Variants in TRPC4 observed in about 807,000 individuals in gnomAD.
The protein encoded by TRPC4 is short transient receptor potential channel 4.
In TRPC4, 49 loss-of-function variants were observed where a neutral mutation model predicts 99.4. That is an observed-to-expected ratio of 0.49 (90% CI 0.39 to 0.63). TRPC4 has a LOEUF of 0.63. Among genes scored for constraint, TRPC4 ranks in the 20% least tolerant of loss-of-function variants. The probability of loss-of-function intolerance (pLI) is 0.00; values close to 1 mark genes in which losing one functional copy is unlikely to be tolerated. For synonymous variants in TRPC4, 454 were observed against 425.9 expected, an observed-to-expected ratio of 1.07 and a Z score of -0.81; for missense variants, 898 against 1,152.9, an observed-to-expected ratio of 0.78 and a Z score of 3.20.
intron 3 of TRPC4, among the ~76,000 whole-genome samples, chr13:37,713,444 A>G (rs998892073): frequency 2.0e-5 from 3 of 152,176 alleles, no homozygotes; most frequent in Non-Finnish European, 4.4e-5. Context: ...TTTATTTAAC[A>G]ACTTTTCTTT....
rs184339381 is a variant in TRPC4, at chr13:37,777,808, C to A, written c.378+5148G>T. Among the ~76,000 whole-genome samples the A allele has an allele frequency of 2.6e-3, 396 of 152,028 alleles. 2 individuals are homozygous for A. Among genetic ancestry groups the A allele is most frequent in the African/African-American group, 9.0e-3 (375 of 41,518 alleles). The stretch of plus-strand genomic sequence containing the variant: ...CTTTGAGAAGTAGGTAAGATTCAGA[C>A]CACAGGCCTGATTAACAGCCAAGAA... On this transcript the variant is annotated intron_variant, in intron 2 of 10. Coordinates refer to ENST00000379705, the MANE Select transcript of TRPC4 (RefSeq NM_016179.4).
At chr13:37,683,385 A>G (rs533630409) in intron 4 of TRPC4, among the ~76,000 whole-genome samples, 2 of 152,244 alleles carry the variant, frequency 1.3e-5, no homozygotes, top group East Asian at 3.9e-4. Flanking sequence ...GTTGTGAGGT[A>G]AGTGCATATT....
intron 3 of TRPC4, among the ~76,000 whole-genome samples, chr13:37,734,151 C>G (rs1444391332): frequency 6.6e-6 from 1 of 152,132 alleles, no homozygotes; most frequent in Non-Finnish European, 1.5e-5. Flanking sequence ...CCCCATATAC[C>G]TTTTCTAACT....
At chr13:37,831,096 A>AT (rs141053161) in intron 1 of TRPC4, among the ~76,000 whole-genome samples, 4,917 of 150,976 alleles carry the variant, frequency 0.033, 272 homozygotes, top group African/African-American at 0.11. Context: ...GTACAGAAGA[A>AT]TTTTTTTTTC....
At chr13:37,733,567 A>G (rs1232813382) in intron 3 of TRPC4, among the ~76,000 whole-genome samples, 2 of 152,272 alleles carry the variant, frequency 1.3e-5, no homozygotes, top group Non-Finnish European at 2.9e-5. Flanking sequence ...GAGTTTCAAA[A>G]AATAATAAAG....
chr13:37,681,560 C>G (rs976109838), intron 4 of TRPC4, among the ~76,000 whole-genome samples: 1 of 151,842 alleles, frequency 6.6e-6, no homozygotes, highest in Admixed American at 6.6e-5. Flanking sequence ...AGCATGGTAG[C>G]GAAATGGCCA....
intron 1 of TRPC4, among the ~76,000 whole-genome samples, chr13:37,813,609 C>T (rs1188935445): frequency 1.3e-5 from 2 of 151,770 alleles, no homozygotes; most frequent in Non-Finnish European, 2.9e-5. Flanking sequence ...TGTATGCCAA[C>T]AAATTAGATG....
At chr13:37,711,194 G>T (rs1014639085) in intron 3 of TRPC4, among the ~76,000 whole-genome samples, 1 of 151,762 alleles carries the variant, frequency 6.6e-6, no homozygotes, top group Non-Finnish European at 1.5e-5. Context: ...CCTTTTGTTT[G>T]CATTGTACAA....
chr13:37,824,574 T>C lies in TRPC4; in HGVS notation c.-27-41214A>G, dbSNP rs948891374. On this transcript the variant is annotated intron_variant, in intron 1 of 10. Transcript: ENST00000379705. ...GGTTCTGTTTATATGCTGGATTACA[T>C]TTATTGATTTGCGTATATTGAACCA... Among the ~76,000 whole-genome samples, 378 of 151,950 alleles carry C rather than the reference T, an allele frequency of 2.5e-3. 1 individual carries two copies. The highest frequency in any genetic ancestry group is 6.9e-3 in the Admixed American group (105 of 15,268).
At chr13:37,781,327 A>T (rs1956834023) in intron 2 of TRPC4, among the ~76,000 whole-genome samples, 1 of 152,132 alleles carries the variant, frequency 6.6e-6, no homozygotes, top group African/African-American at 2.4e-5. Flanking sequence ...ATGGTTGCCT[A>T]TATAGACATA....
At chr13:37,755,849 T>C (rs2139214547) in intron 2 of TRPC4, among the ~76,000 whole-genome samples, 1 of 152,232 alleles carries the variant, frequency 6.6e-6, no homozygotes, top group Admixed American at 6.5e-5. Context: ...AGTAAAATAA[T>C]AGAAACTTTA....
intron 3 of TRPC4, among the ~76,000 whole-genome samples, chr13:37,702,972 G>GA (rs939822590): frequency 6.6e-6 from 1 of 151,790 alleles, no homozygotes; most frequent in Non-Finnish European, 1.5e-5. Context: ...GCAATGGGAT[G>GA]AAAAAAAATT....
rs771549091 is a variant in TRPC4, at chr13:37,692,344, A to G, written c.898-9T>C. Reference sequence around the variant, plus strand: ...TTGGGCTGGGCAACAAACTAAACAGAAGGGAAAGGAAAAGGAAAAATAAGT... The same window carrying G: ...TTGGGCTGGGCAACAAACTAAACAGGAGGGAAAGGAAAAGGAAAAATAAGT... On this transcript the variant is annotated splice_polypyrimidine_tract_variant and intron_variant, in intron 3 of 10. Coordinates refer to ENST00000379705, the MANE Select transcript of TRPC4 (RefSeq NM_016179.4). 3 of 1,603,480 alleles carry G rather than the reference A, an allele frequency of 1.9e-6. No individual in the cohort carries two copies. The South Asian group carries it at 3.3e-5, about 18-fold the overall frequency.
chr13:37,709,187 G>A (rs140281839), intron 3 of TRPC4, among the ~76,000 whole-genome samples: 1 of 151,848 alleles, frequency 6.6e-6, no homozygotes, highest in African/African-American at 2.4e-5. Flanking sequence ...AAAATAGTCT[G>A]GTATTTAGAC....
intron 2 of TRPC4, among the ~76,000 whole-genome samples, chr13:37,764,126 A>G (rs750833084): frequency 3.1e-4 from 47 of 151,644 alleles, no homozygotes; most frequent in Non-Finnish European, 4.3e-4. Context: ...ACAGCTGAGT[A>G]TGAACAAGGC....
chr13:37,802,763 C>T lies in TRPC4; in HGVS notation c.-27-19403G>A, dbSNP rs543213814. On this transcript the variant is annotated intron_variant, in intron 1 of 10. Coordinates refer to ENST00000379705, the MANE Select transcript of TRPC4 (RefSeq NM_016179.4). ...AAAAGTTTTTAGACATATGTCAGAA[C>T]CACCAAAATAATTAATAAATGTTTT... Among the ~76,000 whole-genome samples, 8 of 152,180 alleles carry T rather than the reference C, an allele frequency of 5.3e-5. No individual in the cohort carries two copies. In the East Asian group the frequency reaches 1.3e-3, roughly 26 times the overall value.
chr13:37,730,082 G>C (rs1473542330), intron 3 of TRPC4, among the ~76,000 whole-genome samples: 1 of 152,020 alleles, frequency 6.6e-6, no homozygotes, highest in Admixed American at 6.6e-5. Context: ...GAGAAAGACA[G>C]CTGGCTAATC....
At chr13:37,863,225 T>A (rs550890067) in intron 1 of TRPC4, among the ~76,000 whole-genome samples, 1 of 151,586 alleles carries the variant, frequency 6.6e-6, no homozygotes, top group African/African-American at 2.4e-5. Flanking sequence ...TTAGGGGGCC[T>A]ACTTACAAAC....
At chr13:37,828,863 G>T (rs1234485032) in intron 1 of TRPC4, among the ~76,000 whole-genome samples, 1 of 152,110 alleles carries the variant, frequency 6.6e-6, no homozygotes, top group Non-Finnish European at 1.5e-5. Flanking sequence ...GGTGAGGATT[G>T]AAAAACTACC....
Sources: gnomAD v4.1 joint callset for allele counts (sites outside exome capture counted in the v4.1 genomes callset) on GRCh38, gnomAD v4.1.1 for gene constraint, MANE v1.5 for transcripts, NCBI Gene and HGNC (gene_info 2026-07-23, HGNC 2026-07-21) for gene names.